Variants in GRIA1 observed in about 807,000 individuals in gnomAD.
GRIA1 encodes glutamate receptor 1.
GRIA1 carries 31 observed loss-of-function variants against 99.2 expected under a neutral mutation model. The ratio of observed to expected loss-of-function variants is 0.31; its 90% CI spans 0.23 to 0.42. The LOEUF (loss-of-function observed/expected upper bound fraction) is 0.42, where lower values mean the gene tolerates loss of function less well. Among genes scored for constraint, GRIA1 ranks in the 10% least tolerant of loss-of-function variants. GRIA1 has a pLI of 1.00. For missense variants in GRIA1, 782 were observed against 1,157.5 expected (o/e 0.68, Z 4.71); for synonymous variants, 438 against 432.4 (o/e 1.01, Z -0.16).
intron 2 of GRIA1, among the ~76,000 whole-genome samples, chr5:153,501,456 A>C (rs1399758160): frequency 6.6e-6 from 1 of 152,030 alleles, no homozygotes; most frequent in African/African-American, 2.4e-5. Context: ...GAACAGGAGG[A>C]GTGTTTGAGA....
chr5:153,738,720 CTTTTT>C (rs55874747), intron 11 of GRIA1, among the ~76,000 whole-genome samples: 1 of 102,342 alleles, frequency 9.8e-6, no homozygotes, highest in Admixed American at 1.2e-4. Context: ...TCCATACCTT[CTTTTT>C]TTTTTTTTTT....
At chr5:153,492,327 T>G in intron 1 of GRIA1, 2 of 1,522,854 alleles carry the variant, frequency 1.3e-6, no homozygotes, top group African/African-American at 2.7e-5. Flanking sequence ...ATCTGTGTGT[T>G]AGTGCCTAAC....
At chr5:153,633,674 G>A (rs1457585119) in intron 2 of GRIA1, among the ~76,000 whole-genome samples, 1 of 152,118 alleles carries the variant, frequency 6.6e-6, no homozygotes, top group East Asian at 1.9e-4. Flanking sequence ...GTGAAAGAGT[G>A]TTAGAGCTAA....
chr5:153,670,673 GT>G (rs970826000), intron 5 of GRIA1, among the ~76,000 whole-genome samples: 6 of 151,428 alleles, frequency 4.0e-5, no homozygotes, highest in Admixed American at 6.6e-5. Flanking sequence ...ACCCTCTAAG[GT>G]TTTTTTTAAT....
At chr5:153,793,026 C>T (rs1016631852) in intron 13 of GRIA1, among the ~76,000 whole-genome samples, 1 of 152,082 alleles carries the variant, frequency 6.6e-6, no homozygotes, top group Non-Finnish European at 1.5e-5. Context: ...GTTAGCTGCC[C>T]AGCGACTGAC....
chr5:153,650,571 G>T, intron 4 of GRIA1, 57 bp downstream of exon 4: 1 of 1,540,660 alleles, frequency 6.5e-7, no homozygotes, highest in Non-Finnish European at 8.9e-7. Flanking sequence ...GGAATAGCCA[G>T]ACACACTTTT....
intron 2 of GRIA1, among the ~76,000 whole-genome samples, chr5:153,544,925 G>T (rs1047172399): frequency 6.6e-6 from 1 of 152,208 alleles, no homozygotes. Flanking sequence ...GGATTCTGTG[G>T]TCTTAGTTCC....
At chr5:153,779,639 C>T (rs1292357445) in intron 13 of GRIA1, among the ~76,000 whole-genome samples, 1 of 152,196 alleles carries the variant, frequency 6.6e-6, no homozygotes, top group Non-Finnish European at 1.5e-5. Context: ...CAGCTCACTG[C>T]AACCTCCGCC....
intron 2 of GRIA1, among the ~76,000 whole-genome samples, chr5:153,600,255 G>A (rs1027583964): frequency 6.6e-5 from 10 of 152,034 alleles, no homozygotes; most frequent in African/African-American, 2.4e-4. Context: ...AGCTGGGCGT[G>A]GTGGCGGGCG....
At chr5:153,493,860 G>T in intron 1 of GRIA1, 68 bp from the exon 2 acceptor site, 1 of 1,502,828 alleles carries the variant, frequency 6.7e-7, no homozygotes, top group Non-Finnish European at 9.2e-7. Flanking sequence ...GACTCATCTG[G>T]AGTGAGTCGT....
At chr5:153,739,211 C>T (rs1306890405) in intron 11 of GRIA1, among the ~76,000 whole-genome samples, 2 of 152,172 alleles carry the variant, frequency 1.3e-5, no homozygotes, top group Admixed American at 1.3e-4. Context: ...ACCTTTCCAC[C>T]AAGGATCTCA....
At position 153,677,376 on chromosome 5, in the gene GRIA1, T is replaced by A. The variant is rs191388029; in HGVS notation, c.1029+215T>A. On this transcript the variant is annotated intron_variant, in intron 7 of 15. Coordinates refer to ENST00000285900, the MANE Select transcript of GRIA1 (RefSeq NM_000827.4). Reference sequence around the variant, plus strand: ...CAGTCATTTCTTGTAGTGTAAAAGCTGTATTTTCTCCTTAGCAATTTTGCT... The same window carrying A: ...CAGTCATTTCTTGTAGTGTAAAAGCAGTATTTTCTCCTTAGCAATTTTGCT... Among the ~76,000 whole-genome samples, 12 of 152,302 alleles carry A rather than the reference T, an allele frequency of 7.9e-5. No homozygotes were observed. The East Asian group carries it at 9.7e-4, about 12-fold the overall frequency.
chr5:153,686,156 C>T (rs940581025), intron 7 of GRIA1, 69 bp from the exon 8 acceptor site: 1 of 1,124,492 alleles, frequency 8.9e-7, no homozygotes, highest in African/African-American at 1.5e-5. Flanking sequence ...ATTTCTACTT[C>T]AGTGGAAAAA....
At chr5:153,619,355 T>A (rs1766810870) in intron 2 of GRIA1, among the ~76,000 whole-genome samples, 1 of 152,182 alleles carries the variant, frequency 6.6e-6, no homozygotes, top group Non-Finnish European at 1.5e-5. Context: ...ATCAAGCCAG[T>A]CATTTCGAGT....
At chr5:153,704,317 C>A (rs1758736840) in intron 10 of GRIA1, among the ~76,000 whole-genome samples, 1 of 152,242 alleles carries the variant, frequency 6.6e-6, no homozygotes, top group African/African-American at 2.4e-5. Context: ...ATAGGCATGT[C>A]TCTCATCTCA....
chr5:153,707,165 TATCAC>T (rs1758956934), intron 11 of GRIA1, among the ~76,000 whole-genome samples: 1 of 152,030 alleles, frequency 6.6e-6, no homozygotes, highest in African/African-American at 2.4e-5. Context: ...GTGCCTCAGA[TATCAC>T]ATTGAAAGCA....
chr5:153,496,158 C>G (rs1754401566), intron 2 of GRIA1, among the ~76,000 whole-genome samples: 1 of 152,200 alleles, frequency 6.6e-6, no homozygotes, highest in Non-Finnish European at 1.5e-5. Flanking sequence ...GTGCTTCTGT[C>G]TTGTTATCTC....
chr5:153,705,344 G>A (rs1034083834), intron 10 of GRIA1, among the ~76,000 whole-genome samples: 22 of 152,142 alleles, frequency 1.4e-4, no homozygotes, highest in Non-Finnish European at 2.5e-4. Flanking sequence ...CCAACCTGCA[G>A]GATTGAGAGT....
intron 15 of GRIA1, among the ~76,000 whole-genome samples, chr5:153,804,710 CTTAT>C (rs1336516385): frequency 1.3e-4 from 17 of 130,122 alleles, no homozygotes; most frequent in Admixed American, 3.3e-4. Flanking sequence ...CTCTCTGATC[CTTAT>C]TAATTAATTA....
Sources: allele counts gnomAD v4.1 joint callset (sites outside exome capture counted in the v4.1 genomes callset), GRCh38; gene constraint gnomAD v4.1.1; transcripts MANE v1.5; gene names NCBI Gene and HGNC (gene_info 2026-07-23, HGNC 2026-07-21).